SORCS3: variants seen among roughly 807,000 people sequenced by gnomAD.
The protein encoded by SORCS3 is VPS10 domain-containing receptor SorCS3.
In SORCS3, 57 loss-of-function variants were observed where a neutral mutation model predicts 146.3. The ratio of observed to expected loss-of-function variants is 0.39; its 90% CI spans 0.31 to 0.49. The LOEUF (loss-of-function observed/expected upper bound fraction) is 0.49. Among genes scored for constraint, SORCS3 ranks in the 20% least tolerant of loss-of-function variants. SORCS3 has a pLI of 0.92. For synonymous variants in SORCS3, 653 were observed against 618.5 expected (o/e 1.06, Z -0.83); for missense variants, 1,341 against 1,575.5 (o/e 0.85, Z 2.52).
At chr10:104,930,179 G>A (rs946637560) in intron 3 of SORCS3, among the ~76,000 whole-genome samples, 11 of 151,898 alleles carry the variant, frequency 7.2e-5, no homozygotes, top group Non-Finnish European at 1.6e-4. Flanking sequence ...ATTGTGCATT[G>A]TTCTAATAAA....
At chr10:104,888,977 G>A (rs1452940483) in intron 2 of SORCS3, among the ~76,000 whole-genome samples, 2 of 152,080 alleles carry the variant, frequency 1.3e-5, no homozygotes, top group Non-Finnish European at 2.9e-5. Context: ...AGTTGTTAGT[G>A]GATGCATAAA....
chr10:105,031,000 A>C (rs2133695577), intron 4 of SORCS3, among the ~76,000 whole-genome samples: 1 of 151,758 alleles, frequency 6.6e-6, no homozygotes, highest in Admixed American at 6.6e-5. Context: ...GTACCTTTAA[A>C]ACATGTATGT....
chr10:104,744,083 C>G (rs1211556807), intron 1 of SORCS3, among the ~76,000 whole-genome samples: 1 of 152,180 alleles, frequency 6.6e-6, no homozygotes, highest in Non-Finnish European at 1.5e-5. Context: ...ATGAAGAAAT[C>G]AACCCTTAAA....
At chr10:105,169,726 G>T (rs2056344418) in intron 13 of SORCS3, among the ~76,000 whole-genome samples, 1 of 152,116 alleles carries the variant, frequency 6.6e-6, no homozygotes, top group Non-Finnish European at 1.5e-5. Flanking sequence ...CCTCTGTAGA[G>T]GAAAGAGCTA....
rs139627541 is a variant in SORCS3, at chr10:105,154,710, G to A, written c.1483-2428G>A. On this transcript the variant is annotated intron_variant, in intron 9 of 26. Transcript: ENST00000369701. ...TTCCTTTACATTGCATTTAGTGAGG[G>A]TGCGTAGTCTTCATAATACTTTTGT... is the stretch of plus-strand genomic sequence containing the variant. 7.9e-5 allele frequency among the ~76,000 whole-genome samples: 12 copies of A among 152,282 alleles called. No homozygotes were observed. In the East Asian group the frequency reaches 1.2e-3, roughly 15 times the overall value.
chr10:105,141,504 G>C (rs1463395424), intron 8 of SORCS3, among the ~76,000 whole-genome samples: 1 of 152,126 alleles, frequency 6.6e-6, no homozygotes, highest in Non-Finnish European at 1.5e-5. Flanking sequence ...ATGCTTTTAG[G>C]TGGCTTGCTT....
chr10:105,044,993 T>C (rs2055359928), intron 5 of SORCS3, among the ~76,000 whole-genome samples: 3 of 140,228 alleles, frequency 2.1e-5, no homozygotes, highest in Non-Finnish European at 3.0e-5. Context: ...AGTTTCTCAG[T>C]ATGCCACCAC....
chr10:105,193,669 T>G (rs1343567656), intron 14 of SORCS3, among the ~76,000 whole-genome samples: 6 of 152,200 alleles, frequency 3.9e-5, no homozygotes, highest in Admixed American at 1.3e-4. Context: ...AATCTTTTAT[T>G]AAAAAGATAA....
chr10:104,685,111 C>T (rs1184961075), intron 1 of SORCS3, among the ~76,000 whole-genome samples: 2 of 151,998 alleles, frequency 1.3e-5, no homozygotes, highest in African/African-American at 4.8e-5. Flanking sequence ...TACCACCAAG[C>T]CTGGCCTGAA....
intron 2 of SORCS3, among the ~76,000 whole-genome samples, chr10:104,898,414 T>C (rs1326497126): frequency 1.3e-5 from 2 of 152,194 alleles, no homozygotes; most frequent in Non-Finnish European, 2.9e-5. Context: ...AGGTACGGTA[T>C]GTTTCTGGGT....
rs371891134 is a variant in SORCS3 at position 105,213,534 on chromosome 10, G to T, written c.2376-908G>T. Among the ~76,000 whole-genome samples, 6 of 152,224 alleles carry T rather than the reference G, an allele frequency of 3.9e-5. No homozygotes were observed. In the East Asian group the frequency reaches 5.8e-4, roughly 15 times the overall value. ...AGTGGTGGTGTGTTTCTTTCATGTGGTTTTTTACCAGAACATTTGTTTTTT... is the reference window on the plus strand; with the variant it reads ...AGTGGTGGTGTGTTTCTTTCATGTGTTTTTTTACCAGAACATTTGTTTTTT... On this transcript the variant is annotated intron_variant, in intron 17 of 26. Transcript: ENST00000369701.
intron 13 of SORCS3, among the ~76,000 whole-genome samples, chr10:105,170,657 T>G (rs1554883610): frequency 6.6e-6 from 1 of 152,230 alleles, no homozygotes; most frequent in Non-Finnish European, 1.5e-5. Flanking sequence ...TTTCTATGAA[T>G]GCCATTCTCT....
At chr10:104,727,357 G>A (rs181038656) in intron 1 of SORCS3, among the ~76,000 whole-genome samples, 69 of 152,148 alleles carry the variant, frequency 4.5e-4, no homozygotes, top group Admixed American at 2.3e-3. Context: ...TATATCTCTT[G>A]TAAACCCACT....
chr10:104,900,432 C>T (rs1331194091), intron 2 of SORCS3, among the ~76,000 whole-genome samples: 1 of 152,202 alleles, frequency 6.6e-6, no homozygotes, highest in Non-Finnish European at 1.5e-5. Flanking sequence ...GCATATGCTT[C>T]ACCAAACCAT....
intron 1 of SORCS3, among the ~76,000 whole-genome samples, chr10:104,735,260 C>T (rs2016754339): frequency 6.6e-6 from 1 of 152,060 alleles, no homozygotes; most frequent in Non-Finnish European, 1.5e-5. Context: ...CCATTCAGGG[C>T]TCTCAAAAAA....
At chr10:104,878,877 C>G (rs1242891310) in intron 2 of SORCS3, among the ~76,000 whole-genome samples, 1 of 152,122 alleles carries the variant, frequency 6.6e-6, no homozygotes, top group Non-Finnish European at 1.5e-5. Context: ...GACCATTGAT[C>G]CCAGCCAGCA....
At chr10:104,696,097 TATC>T (rs1353093687) in intron 1 of SORCS3, among the ~76,000 whole-genome samples, 2 of 116,916 alleles carry the variant, frequency 1.7e-5, no homozygotes, top group African/African-American at 6.7e-5. Flanking sequence ...ATATATAATA[TATC>T]ATATACACAT....
intron 2 of SORCS3, among the ~76,000 whole-genome samples, chr10:104,845,840 T>C (rs1417600716): frequency 6.6e-6 from 1 of 152,054 alleles, no homozygotes; most frequent in African/African-American, 2.4e-5. Context: ...TGGAGAAATG[T>C]CCCTACCACA....
intron 3 of SORCS3, among the ~76,000 whole-genome samples, chr10:104,962,132 G>C (rs1457965974): frequency 6.6e-6 from 1 of 152,082 alleles, no homozygotes; most frequent in Admixed American, 6.6e-5. Flanking sequence ...TTCAGCTGGA[G>C]CACTCAGGAG....
Sources: allele counts gnomAD v4.1 joint callset (sites outside exome capture counted in the v4.1 genomes callset), GRCh38; gene constraint gnomAD v4.1.1; transcripts MANE v1.5; gene names NCBI Gene and HGNC (gene_info 2026-07-23, HGNC 2026-07-21).